The following KCNB2 variants were observed in gnomAD, a reference collection of about 807,000 sequenced individuals.
KCNB2 encodes the protein delayed rectifier potassium channel protein.
In KCNB2, 15 loss-of-function variants were observed where a neutral mutation model predicts 61.5. The ratio of observed to expected loss-of-function variants is 0.24; its 90% CI spans 0.16 to 0.38. The LOEUF (loss-of-function observed/expected upper bound fraction) is 0.38, where lower values mean the gene tolerates loss of function less well. KCNB2 is among the 10% of genes least tolerant of loss of function. The probability of loss-of-function intolerance (pLI) is 1.00; values close to 1 mark genes in which losing one functional copy is unlikely to be tolerated. For synonymous variants in KCNB2, 457 were observed against 446.0 expected, an observed-to-expected ratio of 1.02 and a Z score of -0.31; for missense variants, 828 against 1,125.2, an observed-to-expected ratio of 0.74 and a Z score of 3.78.
At chr8:72,832,882 G>A (rs1809721819) in intron 2 of KCNB2, among the ~76,000 whole-genome samples, 1 of 152,198 alleles carries the variant, frequency 6.6e-6, no homozygotes, top group African/African-American at 2.4e-5. Flanking sequence ...AAGTGAGACA[G>A]AGAGCGAGAT....
At chr8:72,669,499 G>A (rs540133734) in intron 2 of KCNB2, among the ~76,000 whole-genome samples, 44 of 152,268 alleles carry the variant, frequency 2.9e-4, no homozygotes, top group African/African-American at 1.0e-3. Flanking sequence ...TCATAGTGAT[G>A]TGTATAATTT....
intron 2 of KCNB2, among the ~76,000 whole-genome samples, chr8:72,776,643 AC>A (rs1808658871): frequency 6.6e-6 from 1 of 152,106 alleles, no homozygotes; most frequent in Non-Finnish European, 1.5e-5. Flanking sequence ...TGGGGTAGGG[AC>A]TTGAGGGCTA....
In KCNB2 at chr8:72,642,670, T is replaced by A. The variant is rs80141557; in HGVS notation, c.579+74357T>A. Among the ~76,000 whole-genome samples, 943 of 151,980 alleles carry A rather than the reference T, an allele frequency of 6.2e-3. 8 individuals carry two copies. The highest frequency in any genetic ancestry group is 0.021 in the African/African-American group (891 of 41,460). On this transcript the variant is annotated intron_variant, in intron 2 of 2. Transcript: ENST00000523207. ...ACAACAGAAGAATTTTCCTAACCAG[T>A]TTAGAGAACTTAACAGCAAGTTTTG...
At chr8:72,836,821 G>A (rs561170491) in intron 2 of KCNB2, among the ~76,000 whole-genome samples, 1 of 152,248 alleles carries the variant, frequency 6.6e-6, no homozygotes, top group African/African-American at 2.4e-5. Context: ...TGTGGTAGGA[G>A]AATCCTGGAA....
intron 2 of KCNB2, among the ~76,000 whole-genome samples, chr8:72,820,208 A>G (rs1329411804): frequency 1.3e-5 from 2 of 152,208 alleles, no homozygotes; most frequent in South Asian, 2.1e-4. Context: ...CCTTCTTTGC[A>G]TGGCTACTTT....
At chr8:72,700,599 G>A (rs1366164841) in intron 2 of KCNB2, among the ~76,000 whole-genome samples, 1 of 152,118 alleles carries the variant, frequency 6.6e-6, no homozygotes, top group Non-Finnish European at 1.5e-5. Context: ...ATGCTGGCAA[G>A]GCTATAGAGA....
chr8:72,926,191 G>A (rs111624422), intron 2 of KCNB2, among the ~76,000 whole-genome samples: 7,673 of 152,038 alleles, frequency 0.05, 611 homozygotes, highest in African/African-American at 0.17. Flanking sequence ...AGCAAACCAC[G>A]TTTACCTATG....
intron 2 of KCNB2, among the ~76,000 whole-genome samples, chr8:72,869,563 A>G (rs534912800): frequency 6.8e-6 from 1 of 147,178 alleles, no homozygotes; most frequent in South Asian, 2.1e-4. Context: ...CAGTTCTCCA[A>G]AGAAGACACA....
At chr8:72,616,845 G>C (rs1364801682) in intron 2 of KCNB2, among the ~76,000 whole-genome samples, 1 of 152,120 alleles carries the variant, frequency 6.6e-6, no homozygotes, top group Non-Finnish European at 1.5e-5. Flanking sequence ...TAATATAATA[G>C]GCACAGTTTT....
At chr8:72,569,716 C>T (rs759103422) in intron 2 of KCNB2, among the ~76,000 whole-genome samples, 12 of 151,886 alleles carry the variant, frequency 7.9e-5, no homozygotes, top group Non-Finnish European at 1.5e-4. Flanking sequence ...GGTACATACT[C>T]GAGTTACTAC....
intron 2 of KCNB2, among the ~76,000 whole-genome samples, chr8:72,570,230 A>G (rs1806687788): frequency 6.6e-6 from 1 of 152,160 alleles, no homozygotes; most frequent in South Asian, 2.1e-4. Context: ...AAATCTGCCT[A>G]CAAACTCTAC....
chr8:72,747,751 A>G (rs1271122160), intron 2 of KCNB2, among the ~76,000 whole-genome samples: 1 of 152,248 alleles, frequency 6.6e-6, no homozygotes, highest in Non-Finnish European at 1.5e-5. Flanking sequence ...AAGAAAATAT[A>G]TTTCTGAAAG....
At chr8:72,699,852 C>A (rs1401274410) in intron 2 of KCNB2, among the ~76,000 whole-genome samples, 1 of 151,998 alleles carries the variant, frequency 6.6e-6, no homozygotes, top group African/African-American at 2.4e-5. Flanking sequence ...GGGTATATAC[C>A]CAAAGGATTA....
intron 2 of KCNB2, among the ~76,000 whole-genome samples, chr8:72,769,608 A>G (rs1808527877): frequency 6.6e-6 from 1 of 152,162 alleles, no homozygotes; most frequent in Non-Finnish European, 1.5e-5. Context: ...GTTCCACTGG[A>G]CTGGAGGCTT....
chr8:72,844,494 G>T (rs987370626), intron 2 of KCNB2, among the ~76,000 whole-genome samples: 2 of 152,178 alleles, frequency 1.3e-5, no homozygotes, highest in South Asian at 4.1e-4. Flanking sequence ...TATCTTGCTA[G>T]GTTGGGGAAG....
At position 72,714,120 on chromosome 8, in the gene KCNB2, A is replaced by C. The variant is rs546476961; in HGVS notation, c.579+145807A>C. Among the ~76,000 whole-genome samples, 4 of 152,340 alleles carry C rather than the reference A, an allele frequency of 2.6e-5. No homozygotes were observed. The East Asian group carries it at 7.7e-4, about 29-fold the overall frequency. ...AGAAAAGTTTAGAGAAAAAAGAATG[A>C]AAAGGAACAAACAAAGCCTCCAAGA... is the stretch of plus-strand genomic sequence containing the variant. On this transcript the variant is annotated intron_variant, in intron 2 of 2. Transcript: ENST00000523207.
chr8:72,716,644 G>T (rs1358375821), intron 2 of KCNB2, among the ~76,000 whole-genome samples: 3 of 152,088 alleles, frequency 2.0e-5, no homozygotes, highest in South Asian at 2.1e-4. Context: ...AATAAATTAG[G>T]TATTGATGGG....
chr8:72,539,048 T>C (rs1806154697), intron 1 of KCNB2, among the ~76,000 whole-genome samples: 1 of 148,942 alleles, frequency 6.7e-6, no homozygotes. Flanking sequence ...AAAGTTTTGT[T>C]TTATCTATTT....
chr8:72,706,362 G>A (rs1807223687), intron 2 of KCNB2, among the ~76,000 whole-genome samples: 1 of 152,210 alleles, frequency 6.6e-6, no homozygotes, highest in African/African-American at 2.4e-5. Context: ...GGCTCAGAGT[G>A]TTGGTTTCAA....
Sources: allele counts gnomAD v4.1 joint callset (sites outside exome capture counted in the v4.1 genomes callset), GRCh38; gene constraint gnomAD v4.1.1; transcripts MANE v1.5; gene names NCBI Gene and HGNC (gene_info 2026-07-23, HGNC 2026-07-21).